The following COL2A1 variants were observed in gnomAD, a reference collection of about 807,000 sequenced individuals.
The protein encoded by COL2A1 is collagen type II alpha 1 chain.
A neutral mutation model predicts 204.5 loss-of-function variants in COL2A1; 28 were observed. The ratio of observed to expected loss-of-function variants is 0.14; its 90% confidence interval spans 0.10 to 0.19. The LOEUF (loss-of-function observed/expected upper bound fraction) is 0.19, where lower values mean the gene tolerates loss of function less well. Among genes scored for constraint, COL2A1 ranks in the 10% least tolerant of loss-of-function variants. COL2A1 has a pLI of 1.00. For missense variants in COL2A1, 1,388 were observed against 2,027.5 expected (o/e 0.68, Z 6.06); for synonymous variants, 708 against 718.7 (o/e 0.99, Z 0.24).
chr12:47,988,514 C>T (rs1400184144), intron 18 of COL2A1: 1 of 155,946 alleles, frequency 6.4e-6, no homozygotes, highest in Non-Finnish European at 1.4e-5. Context: ...GTCAGCCCCC[C>T]TCACCTTCCG....
At chr12:47,993,373 A>G (rs1353976226) in intron 15 of COL2A1, 85 bp downstream of exon 15, 2 of 1,037,044 alleles carry the variant, frequency 1.9e-6, no homozygotes, top group African/African-American at 3.1e-5. Flanking sequence ...ACAGAATATG[A>G]ACTTTGCACA....
rs760370735 is a variant in COL2A1, at chr12:48,000,097, C to G, written c.114G>C (p.Gly38=). 6.2e-7 allele frequency: 1 copy of G among 1,613,454 alleles called. No individual in the cohort carries two copies. The highest frequency in any genetic ancestry group is 1.7e-5 in the Admixed American group (1 of 60,002). ...VQEAGSCVQD[G]QRYNDKDVWK... ...ACACATCCTTATCATTATACCTCTG[C>G]CCATCCTGCACACAGCTGCCAGCCT... The change falls in exon 2 of 54, where the codon GGG becomes GGC. Residue 38 remains glycine (G), a synonymous_variant. Transcript: ENST00000380518.
rs1938762022 is a variant in COL2A1, at chr12:47,977,210, CTCTGCA to C, written c.3274-61_3274-56del. On this transcript the variant is annotated intron_variant, in intron 46 of 53. Transcript: ENST00000380518. Reference sequence around the variant, plus strand: ...AAAAGCCAGGACAGGTGGGGGCCTCCTCTGCATCTGAGGCCACTGCTCCTTAGTCCA... The same window carrying C: ...AAAAGCCAGGACAGGTGGGGGCCTCCTCTGAGGCCACTGCTCCTTAGTCCA... The C allele has an allele frequency of 1.9e-6, 3 of 1,592,894 alleles. No individual in the cohort carries two copies. The Admixed American group carries it at 5.0e-5, about 27-fold the overall frequency.
rs112951122 is a variant in COL2A1, at chr12:47,982,041, C to G, written c.2355+66G>C. On this transcript the variant is annotated intron_variant, in intron 35 of 53. Coordinates refer to ENST00000380518, the MANE Select transcript of COL2A1 (RefSeq NM_001844.5). ...AGTGGCAGACTGCCCAGCCCTCTCTCCTGCTCTCCTGGGTGCAGGGCTAGG... is the reference window on the plus strand; with the variant it reads ...AGTGGCAGACTGCCCAGCCCTCTCTGCTGCTCTCCTGGGTGCAGGGCTAGG... 7.2e-6 allele frequency: 11 copies of G among 1,533,476 alleles called. No individual in the cohort carries two copies. In the African/African-American group the frequency reaches 8.2e-5, roughly 11 times the overall value. 95.0% of individuals were successfully genotyped at this position (1,533,476 alleles called of 1,614,324 possible). A position where few individuals can be genotyped will look rare whatever the true frequency, so the allele number is the denominator to read the frequency against.
chr12:47,995,112 T>C, intron 11 of COL2A1, 143 bp downstream of exon 11: 2 of 724,452 alleles, frequency 2.8e-6, no homozygotes, highest in East Asian at 5.1e-5. Flanking sequence ...AGATAGGAGA[T>C]GGCGTCAGGG....
At chr12:47,983,565 G>C in intron 30 of COL2A1, 118 bp downstream of exon 30, 5 of 1,429,984 alleles carry the variant, frequency 3.5e-6, no homozygotes, top group Non-Finnish European at 4.9e-6. Context: ...TGCAGGGAAG[G>C]CTCGATGCCT....
intron 16 of COL2A1, 41 bp from the exon 17 acceptor site, chr12:47,989,846 G>C (rs1939620919): frequency 1.3e-6 from 2 of 1,597,238 alleles, no homozygotes; most frequent in Non-Finnish European, 1.7e-6. Flanking sequence ...GTGCCCACAG[G>C]CCCTGTCCGT....
chr12:47,990,691 T>TA (rs1225002402), intron 16 of COL2A1, among the ~76,000 whole-genome samples: 4 of 152,248 alleles, frequency 2.6e-5, no homozygotes, highest in African/African-American at 9.6e-5. Context: ...GCTCAAGCCC[T>TA]AAGAGGCTTT....
At chr12:47,997,544 G>A (rs1940018136) in intron 7 of COL2A1, 62 bp downstream of exon 7, 5 of 1,613,234 alleles carry the variant, frequency 3.1e-6, no homozygotes, top group South Asian at 1.1e-5. Context: ...AGTGCAAGCA[G>A]CAATTTAAAA....
intron 36 of COL2A1, 132 bp downstream of exon 36, chr12:47,981,644 C>T (rs1424426959): frequency 1.7e-6 from 2 of 1,145,812 alleles, no homozygotes; most frequent in Non-Finnish European, 2.6e-6. Flanking sequence ...AGAGGGCCCC[C>T]TCTTCACTCC....
Position 47,982,016 on chromosome 12 carries a change from A to G in COL2A1, c.2355+91T>C. The G allele has an allele frequency of 2.2e-6, 3 of 1,386,304 alleles. No individual in the cohort carries two copies. The East Asian group carries it at 6.9e-5, about 32-fold the overall frequency. 85.9% of individuals were successfully genotyped at this position (1,386,304 alleles called of 1,614,324 possible). On this transcript the variant is annotated intron_variant, in intron 35 of 53. Transcript: ENST00000380518. ...CGACAGAGACAGGACCAGGGACCCC[A>G]GTGGCAGACTGCCCAGCCCTCTCTC...
Position 47,981,805 on chromosome 12 carries a change from G to A in COL2A1, c.2380C>T (p.Pro794Ser), listed in dbSNP as rs1019915024. The change falls in exon 36 of 54, where the codon CCT becomes TCT. Residue 794 changes from proline (P) to serine (S), a missense_variant. Pro to Ser is a moderately conservative substitution (Grantham distance 74, BLOSUM62 -1). Transcript: ENST00000380518. ...TCGCCATTAGCACCAGCTGGGCCAG[G>A]GGGGCCAATGGGACCTGTCAGGCCC... ...GRGLTGPIGP[P>S]GPAGANGEKG... 1.1e-5 allele frequency: 17 copies of A among 1,554,396 alleles called. No homozygotes were observed. Among genetic ancestry groups the A allele is most frequent in the Non-Finnish European group, 1.4e-5 (16 of 1,148,642 alleles).
chr12:47,978,908 C>T lies in COL2A1; in HGVS notation c.2734-150G>A, dbSNP rs1938884655. The T allele has an allele frequency of 1.3e-6, 1 of 773,714 alleles. No homozygotes were observed. Among genetic ancestry groups the T allele is most frequent in the Non-Finnish European group, 2.2e-6 (1 of 461,776 alleles). The allele number at this position is 773,714 out of a possible 1,614,324, so 47.9% of individuals were successfully genotyped here. A position where few individuals can be genotyped will look rare whatever the true frequency, so the allele number is the denominator to read the frequency against. On this transcript the variant is annotated intron_variant, in intron 41 of 53. Coordinates refer to ENST00000380518, the MANE Select transcript of COL2A1 (RefSeq NM_001844.5). The surrounding 1 kb of genome is among the most constrained non-coding windows in gnomAD (Gnocchi z 5.5). ...GGGCAGGCAGCTTAACCCCCCCAAC[C>T]CCAATCTACCGCTGCAACCTTCTCA...
chr12:47,997,467 G>C, intron 7 of COL2A1, 139 bp downstream of exon 7: 1 of 1,479,620 alleles, frequency 6.8e-7, no homozygotes, highest in Non-Finnish European at 9.4e-7. Context: ...TAAATTACAG[G>C]CCTGAGGGCA....
intron 2 of COL2A1, 38 bp from the exon 3 acceptor site, chr12:47,998,469 A>C (rs1213186428): frequency 6.2e-7 from 1 of 1,604,930 alleles, no homozygotes; most frequent in South Asian, 1.1e-5. Flanking sequence ...GAAGGTAAGA[A>C]TCTTGAGATG....
At chr12:47,981,882 G>C in intron 35 of COL2A1, 53 bp from the exon 36 acceptor site, 1 of 1,536,028 alleles carries the variant, frequency 6.5e-7, no homozygotes, top group Middle Eastern at 1.8e-4. Context: ...AGCCGAGCAC[G>C]TGCGGCCCGG....
intron 23 of COL2A1, 32 bp from the exon 24 acceptor site, chr12:47,985,997 T>C: frequency 6.5e-7 from 1 of 1,549,750 alleles, no homozygotes; most frequent in Non-Finnish European, 8.7e-7. Context: ...AGGCAGTGAG[T>C]GAGAACAGCC....
At chr12:47,996,679 C>T in intron 7 of COL2A1, 54 bp from the exon 8 acceptor site, 1 of 1,437,550 alleles carries the variant, frequency 7.0e-7, no homozygotes, top group Non-Finnish European at 9.8e-7. Flanking sequence ...GTCTTCCCTA[C>T]TTGGCTAGGT....
chr12:47,997,652 C>G lies in COL2A1; in HGVS notation c.485G>C (p.Gly162Ala), dbSNP rs1462514936. ...DGEPGTPGNP[G>A]PPGPPGPPGP... ...AGGGGGGCCGGGAGGACCAGGGGGGCCAGGATTTCCAGGGGTCCCAGGTTC... is the reference window on the plus strand; with the variant it reads ...AGGGGGGCCGGGAGGACCAGGGGGGGCAGGATTTCCAGGGGTCCCAGGTTC... The change falls in exon 7 of 54, where the codon GGC becomes GCC. Residue 162 changes from glycine to alanine, a missense_variant. Physicochemically the swap from Gly to Ala is moderately conservative, Grantham distance 60 (BLOSUM62 0). Around this residue, in one of 3 missense-constraint regions of COL2A1, gnomAD observed 201 missense variants for 242.4 expected, o/e 0.83. Coordinates refer to ENST00000380518, the MANE Select transcript of COL2A1 (RefSeq NM_001844.5). 4.3e-6 allele frequency: 7 copies of G among 1,613,844 alleles called. No individual in the cohort carries two copies. The highest frequency in any genetic ancestry group is 2.2e-5 in the South Asian group (2 of 91,066).
Sources: gnomAD v4.1 joint callset for allele counts (sites outside exome capture counted in the v4.1 genomes callset) on GRCh38, gnomAD v4.1.1 for gene constraint, gnomAD v4.1.1 regional missense constraint, Gnocchi (gnomAD v3.1) non-coding constraint, MANE v1.5 for transcripts, NCBI Gene and HGNC (gene_info 2026-07-23, HGNC 2026-07-21) for gene names.